Variants in PLCB1 observed in about 807,000 individuals in gnomAD.
PLCB1 encodes phospholipase C beta 1, also known as 1-phosphatidylinositol 4,5-bisphosphate phosphodiesterase beta-1.
In PLCB1, 46 loss-of-function variants were observed where a neutral mutation model predicts 161.8. The ratio of observed to expected loss-of-function variants is 0.28; its 90% CI spans 0.22 to 0.36. The LOEUF (loss-of-function observed/expected upper bound fraction) is 0.36, where lower values mean the gene tolerates loss of function less well. Ranked by LOEUF, PLCB1 falls within the 10% of genes least tolerant of loss-of-function variation. PLCB1 has a pLI of 1.00. For synonymous variants in PLCB1, 517 were observed against 503.7 expected (o/e 1.03, Z -0.35); for missense variants, 1,016 against 1,472.5 (o/e 0.69, Z 5.07).
At chr20:8,503,366 G>T (rs1318180848) in intron 3 of PLCB1, among the ~76,000 whole-genome samples, 3 of 151,940 alleles carry the variant, frequency 2.0e-5, no homozygotes, top group African/African-American at 7.3e-5. Flanking sequence ...CAAATTCCTG[G>T]TAAGACACCT....
chr20:8,321,990 C>T (rs774516115), intron 2 of PLCB1, among the ~76,000 whole-genome samples: 6 of 152,078 alleles, frequency 3.9e-5, no homozygotes, highest in African/African-American at 9.7e-5. Context: ...TGGAAGCAGC[C>T]GTCCACTAGT....
chr20:8,813,328 T>C (rs1427493778), intron 31 of PLCB1, among the ~76,000 whole-genome samples: 1 of 152,262 alleles, frequency 6.6e-6, no homozygotes, highest in Non-Finnish European at 1.5e-5. Context: ...AAATGTTTGC[T>C]ATTTCATGGC....
At chr20:8,866,859 TACTC>T (rs1318309904) in intron 31 of PLCB1, among the ~76,000 whole-genome samples, 1 of 152,058 alleles carries the variant, frequency 6.6e-6, no homozygotes, top group Non-Finnish European at 1.5e-5. Context: ...AAATTGTAAA[TACTC>T]ACCCAAAAAC....
At position 8,883,060 on chromosome 20, in the gene PLCB1, T is replaced by C. The variant is rs1988052226; in HGVS notation, c.*1211T>C. 3 of 152,604 alleles carry C rather than the reference T, an allele frequency of 2.0e-5. No homozygotes were observed. Among genetic ancestry groups the C allele is most frequent in the Admixed American group, 1.3e-4 (2 of 15,278 alleles). 9.5% of individuals were successfully genotyped at this position (152,604 alleles called of 1,614,324 possible). A position where few individuals can be genotyped will look rare whatever the true frequency, so the allele number is the denominator to read the frequency against. ...TATGGAGACGCTAAGAAATAATTGATGGAGCCATTGATGCAAACCGAAGTA... is the reference window on the plus strand; with the variant it reads ...TATGGAGACGCTAAGAAATAATTGACGGAGCCATTGATGCAAACCGAAGTA... On this transcript the variant is annotated 3_prime_UTR_variant, in exon 32 of 32. Coordinates refer to ENST00000338037, the MANE Select transcript of PLCB1 (RefSeq NM_015192.4).
Position 8,527,420 on chromosome 20 carries a change from A to G in PLCB1, c.247-100874A>G, listed in dbSNP as rs1984625706. ...AATAAACAGCATGGATTCAATAACT[A>G]TACTGCGAGTCAAGACTACTCTTAT... On this transcript the variant is annotated intron_variant, in intron 3 of 31. Transcript: ENST00000338037. 5.3e-5 allele frequency among the ~76,000 whole-genome samples: 8 copies of G among 152,172 alleles called. No homozygotes were observed. The South Asian group carries it at 1.7e-3, about 31-fold the overall frequency.
At chr20:8,564,976 C>A (rs1986274637) in intron 3 of PLCB1, among the ~76,000 whole-genome samples, 1 of 152,150 alleles carries the variant, frequency 6.6e-6, no homozygotes, top group African/African-American at 2.4e-5. Flanking sequence ...ACCCAGCAAT[C>A]CCATTACTGG....
At chr20:8,386,574 C>T (rs1396090862) in intron 3 of PLCB1, among the ~76,000 whole-genome samples, 1 of 152,114 alleles carries the variant, frequency 6.6e-6, no homozygotes, top group Non-Finnish European at 1.5e-5. Flanking sequence ...TCTTCAGGGC[C>T]CTAGGATTTC....
chr20:8,649,351 C>G (rs753389490), intron 6 of PLCB1, 23 bp from the exon 7 acceptor site: 26 of 1,589,688 alleles, frequency 1.6e-5, no homozygotes, highest in Non-Finnish European at 2.2e-5. Flanking sequence ...AAACCTCTCT[C>G]CTTTGTTGTG....
intron 2 of PLCB1, among the ~76,000 whole-genome samples, chr20:8,367,544 G>T (rs547393626): frequency 8.5e-4 from 130 of 152,186 alleles, no homozygotes; most frequent in African/African-American, 2.8e-3. Flanking sequence ...TGCTCAGTGT[G>T]GTAAAGTTAT....
At chr20:8,681,714 T>C (rs1990226470) in intron 9 of PLCB1, among the ~76,000 whole-genome samples, 1 of 152,222 alleles carries the variant, frequency 6.6e-6, no homozygotes, top group South Asian at 2.1e-4. Context: ...TTTTAAGGAA[T>C]TGTTATAGTT....
intron 31 of PLCB1, among the ~76,000 whole-genome samples, chr20:8,822,928 A>G (rs1453798114): frequency 1.3e-5 from 2 of 152,144 alleles, no homozygotes; most frequent in Non-Finnish European, 2.9e-5. Context: ...CAGATCAGAA[A>G]TATTTGGGGG....
chr20:8,323,207 T>C (rs1810072371), intron 2 of PLCB1, among the ~76,000 whole-genome samples: 1 of 152,164 alleles, frequency 6.6e-6, no homozygotes, highest in Non-Finnish European at 1.5e-5. Flanking sequence ...GTCAGTGATA[T>C]TTTAAGTTGT....
intron 3 of PLCB1, among the ~76,000 whole-genome samples, chr20:8,399,926 G>A (rs1289464018): frequency 6.6e-6 from 1 of 152,016 alleles, no homozygotes; most frequent in Admixed American, 6.6e-5. Context: ...TAAGTTGTTT[G>A]TTCTATAATT....
intron 11 of PLCB1, among the ~76,000 whole-genome samples, chr20:8,698,502 T>A (rs1990630229): frequency 1.3e-5 from 2 of 152,220 alleles, no homozygotes; most frequent in African/African-American, 2.4e-5. Context: ...TTACTGTTAA[T>A]TATTATGTAA....
intron 2 of PLCB1, among the ~76,000 whole-genome samples, chr20:8,152,415 G>T (rs1568571205): frequency 6.6e-6 from 1 of 152,164 alleles, no homozygotes; most frequent in Non-Finnish European, 1.5e-5. Context: ...TCCAAGTGAT[G>T]AATTAGAGTA....
intron 31 of PLCB1, among the ~76,000 whole-genome samples, chr20:8,822,762 A>G (rs1180052261): frequency 6.6e-6 from 1 of 152,204 alleles, no homozygotes; most frequent in African/African-American, 2.4e-5. Flanking sequence ...CTGAGTTCCA[A>G]GACTGACTAA....
At chr20:8,378,209 C>T (rs1055835901) in intron 3 of PLCB1, among the ~76,000 whole-genome samples, 1 of 152,156 alleles carries the variant, frequency 6.6e-6, no homozygotes, top group Non-Finnish European at 1.5e-5. Context: ...ATGCTACAAC[C>T]TGAGGGAACC....
At chr20:8,656,441 T>A (rs1205132001) in intron 7 of PLCB1, among the ~76,000 whole-genome samples, 2 of 152,028 alleles carry the variant, frequency 1.3e-5, no homozygotes, top group Non-Finnish European at 2.9e-5. Context: ...CATTAACACA[T>A]ACCTGAAATA....
At chr20:8,550,999 C>T (rs987767471) in intron 3 of PLCB1, among the ~76,000 whole-genome samples, 11 of 152,232 alleles carry the variant, frequency 7.2e-5, no homozygotes, top group African/African-American at 2.6e-4. Context: ...ACATTGTATC[C>T]AATAATGTCT....
Sources: allele counts gnomAD v4.1 joint callset (sites outside exome capture counted in the v4.1 genomes callset), GRCh38; gene constraint gnomAD v4.1.1; transcripts MANE v1.5; gene names NCBI Gene and HGNC (gene_info 2026-07-23, HGNC 2026-07-21).